Variants in VAT1L observed in about 807,000 individuals in gnomAD.
VAT1L encodes the protein vesicle amine transport 1 like.
A neutral mutation model predicts 44.1 loss-of-function variants in VAT1L; 34 were observed. That is an observed-to-expected ratio of 0.77 (90% CI 0.59 to 1.03). The LOEUF is 1.03. Ranked by LOEUF, VAT1L falls within the 50% of genes least tolerant of loss-of-function variation. The pLI is 0.00. For synonymous variants in VAT1L, 253 were observed against 202.2 expected (o/e 1.25, Z -2.13); for missense variants, 615 against 538.8 (o/e 1.14, Z -1.40).
chr16:77,808,395 A>C (rs1174607192), intron 1 of VAT1L, among the ~76,000 whole-genome samples: 1 of 152,144 alleles, frequency 6.6e-6, no homozygotes, highest in Non-Finnish European at 1.5e-5. Context: ...TTATTTCATT[A>C]TATATTACAA....
At chr16:77,872,223 T>A (rs142656839) in intron 4 of VAT1L, among the ~76,000 whole-genome samples, 1 of 152,202 alleles carries the variant, frequency 6.6e-6, no homozygotes, top group East Asian at 1.9e-4. Context: ...GTGTTGCCCT[T>A]GAGCCACCCC....
intron 1 of VAT1L, among the ~76,000 whole-genome samples, chr16:77,798,183 G>A (rs2015972727): frequency 6.6e-6 from 1 of 152,118 alleles, no homozygotes; most frequent in Admixed American, 6.5e-5. Flanking sequence ...CTAAATAACT[G>A]TGGTCCCCAG....
intron 3 of VAT1L, among the ~76,000 whole-genome samples, chr16:77,839,052 C>T (rs756882250): frequency 2.6e-5 from 4 of 152,058 alleles, no homozygotes; most frequent in Non-Finnish European, 5.9e-5. Context: ...CATTAGTCAT[C>T]GATGGCAGTG....
chr16:77,816,387 T>C (rs2016355082), intron 1 of VAT1L, among the ~76,000 whole-genome samples: 1 of 152,154 alleles, frequency 6.6e-6, no homozygotes, highest in Non-Finnish European at 1.5e-5. Flanking sequence ...TGGGAGCTGT[T>C]TATGCATAGT....
At chr16:77,813,444 A>T (rs2016299656) in intron 1 of VAT1L, among the ~76,000 whole-genome samples, 1 of 152,192 alleles carries the variant, frequency 6.6e-6, no homozygotes, top group African/African-American at 2.4e-5. Flanking sequence ...CACATGTGTG[A>T]AGTAATGAAG....
At chr16:77,954,529 G>A (rs984346990) in intron 7 of VAT1L, among the ~76,000 whole-genome samples, 10 of 152,172 alleles carry the variant, frequency 6.6e-5, no homozygotes, top group African/African-American at 1.7e-4. Context: ...AGAGGCTGAG[G>A]CAGGAGAATC....
intron 7 of VAT1L, among the ~76,000 whole-genome samples, chr16:77,941,254 C>T (rs951185086): frequency 2.6e-5 from 4 of 152,178 alleles, no homozygotes; most frequent in Non-Finnish European, 5.9e-5. Flanking sequence ...CTTTTGGAGG[C>T]AGAAATACCC....
chr16:77,959,099 C>A (rs2018134961), intron 7 of VAT1L, among the ~76,000 whole-genome samples: 1 of 152,202 alleles, frequency 6.6e-6, no homozygotes, highest in Non-Finnish European at 1.5e-5. Context: ...ATGGCCACCT[C>A]CTTAAATTTT....
intron 7 of VAT1L, among the ~76,000 whole-genome samples, chr16:77,942,207 T>C (rs1223747805): frequency 6.6e-6 from 1 of 152,166 alleles, no homozygotes; most frequent in Non-Finnish European, 1.5e-5. Context: ...GAAAGGCATG[T>C]CTTACATGGT....
At chr16:77,842,676 A>T (rs1043015886) in intron 3 of VAT1L, among the ~76,000 whole-genome samples, 5 of 152,166 alleles carry the variant, frequency 3.3e-5, no homozygotes, top group Admixed American at 2.6e-4. Context: ...GAAATAAATC[A>T]CGAGGGCCCT....
chr16:77,926,894 T>G (rs2017675474), intron 7 of VAT1L, among the ~76,000 whole-genome samples: 1 of 152,152 alleles, frequency 6.6e-6, no homozygotes, highest in African/African-American at 2.4e-5. Context: ...TGGGCCACTC[T>G]ATCGTGGCTA....
Position 77,890,090 on chromosome 16 carries a change from A to G in VAT1L, c.1077+5288A>G, listed in dbSNP as rs564390275. On this transcript the variant is annotated intron_variant, in intron 7 of 8. Transcript: ENST00000302536. ...CAACAGAGCAAGACACCATTTCACA[A>G]AAAGAGAGAGAATGTTGAGAGATGG... Among the ~76,000 whole-genome samples, 5 of 152,170 alleles carry G rather than the reference A, an allele frequency of 3.3e-5. No individual in the cohort carries two copies. In the South Asian group the frequency reaches 1.0e-3, roughly 32 times the overall value.
chr16:77,860,157 G>C (rs1262265186), intron 3 of VAT1L, among the ~76,000 whole-genome samples: 2 of 152,186 alleles, frequency 1.3e-5, no homozygotes, highest in African/African-American at 4.8e-5. Context: ...AACCAACCCT[G>C]CCAACACCTT....
chr16:77,848,982 G>T (rs1597065446), intron 3 of VAT1L, among the ~76,000 whole-genome samples: 1 of 152,148 alleles, frequency 6.6e-6, no homozygotes, highest in African/African-American at 2.4e-5. Flanking sequence ...TAAGTGGGTG[G>T]TGAACAATGA....
At chr16:77,837,082 T>A (rs1943476398) in intron 3 of VAT1L, among the ~76,000 whole-genome samples, 2 of 152,196 alleles carry the variant, frequency 1.3e-5, no homozygotes, top group Non-Finnish European at 2.9e-5. Flanking sequence ...AGAGCCCATG[T>A]GTTTAAGTGC....
chr16:77,808,142 C>T (rs969605171), intron 1 of VAT1L, among the ~76,000 whole-genome samples: 18 of 151,986 alleles, frequency 1.2e-4, no homozygotes, highest in African/African-American at 4.3e-4. Context: ...AGCCACTACC[C>T]GTCACTCGCA....
chr16:77,839,593 T>C (rs1356934040), intron 3 of VAT1L, among the ~76,000 whole-genome samples: 1 of 130,044 alleles, frequency 7.7e-6, no homozygotes, highest in Non-Finnish European at 1.6e-5. Context: ...ACATGAGACC[T>C]GGGCATTTGA....
intron 6 of VAT1L, among the ~76,000 whole-genome samples, chr16:77,880,369 A>C (rs909320053): frequency 6.6e-6 from 1 of 152,044 alleles, no homozygotes; most frequent in African/African-American, 2.4e-5. Flanking sequence ...CCTGTTACCC[A>C]GGCTGGTTTT....
At chr16:77,916,641 G>C (rs2017555091) in intron 7 of VAT1L, among the ~76,000 whole-genome samples, 2 of 152,110 alleles carry the variant, frequency 1.3e-5, no homozygotes. Context: ...ATATACATAA[G>C]AGCGTTTTGT....
Sources: allele counts gnomAD v4.1 joint callset (sites outside exome capture counted in the v4.1 genomes callset), GRCh38; gene constraint gnomAD v4.1.1; transcripts MANE v1.5; gene names NCBI Gene and HGNC (gene_info 2026-07-23, HGNC 2026-07-21).